Variants in GMDS observed in about 807,000 individuals in gnomAD.
GMDS encodes GDP-mannose 4,6-dehydratase.
Under a neutral mutation model 49.9 loss-of-function variants are expected in GMDS, and 20 were observed. The observed-to-expected ratio is 0.40, with a 90% CI of 0.28 to 0.58. The LOEUF is 0.58. Ranked by LOEUF, GMDS falls within the 20% of genes least tolerant of loss-of-function variation. The pLI is 0.42. For synonymous variants in GMDS, 177 were observed against 178.6 expected (o/e 0.99, Z 0.07); for missense variants, 362 against 481.4 (o/e 0.75, Z 2.32).
intron 8 of GMDS, among the ~76,000 whole-genome samples, chr6:1,728,972 C>T (rs1165512700): frequency 6.6e-6 from 1 of 151,490 alleles, no homozygotes; most frequent in African/African-American, 2.4e-5. Flanking sequence ...AAACAAAAAA[C>T]CAAAAACAAA....
intron 2 of GMDS, among the ~76,000 whole-genome samples, chr6:2,124,377 C>T (rs1453117477): frequency 6.6e-6 from 1 of 152,174 alleles, no homozygotes. Flanking sequence ...AAACACATTA[C>T]ATCATAAATT....
At chr6:2,119,838 C>T (rs1775045893) in intron 2 of GMDS, among the ~76,000 whole-genome samples, 1 of 152,146 alleles carries the variant, frequency 6.6e-6, no homozygotes, top group East Asian at 1.9e-4. Context: ...AGTTTTTTGA[C>T]AAATTTCATG....
intron 1 of GMDS, among the ~76,000 whole-genome samples, chr6:2,217,712 T>A (rs1045313230): frequency 6.6e-6 from 1 of 152,180 alleles, no homozygotes; most frequent in Non-Finnish European, 1.5e-5. Context: ...CTGCTATTAG[T>A]GGCTTTGCAT....
chr6:1,742,159 A>T (rs1767299148), intron 8 of GMDS, among the ~76,000 whole-genome samples: 2 of 151,992 alleles, frequency 1.3e-5, no homozygotes, highest in Admixed American at 1.3e-4. Flanking sequence ...TGACCTCATG[A>T]TCCTCCTGTC....
intron 4 of GMDS, among the ~76,000 whole-genome samples, chr6:2,084,544 T>C (rs1353663011): frequency 6.6e-6 from 1 of 152,138 alleles, no homozygotes; most frequent in Non-Finnish European, 1.5e-5. Flanking sequence ...TCTTGCTCTG[T>C]CACCCAGGCT....
At chr6:2,227,675 A>G (rs1191299021) in intron 1 of GMDS, among the ~76,000 whole-genome samples, 1 of 152,168 alleles carries the variant, frequency 6.6e-6, no homozygotes, top group Non-Finnish European at 1.5e-5. Context: ...TATAGGAAGG[A>G]GCGGGCAGGC....
chr6:2,092,754 T>C (rs1004289498), intron 4 of GMDS, among the ~76,000 whole-genome samples: 7 of 152,096 alleles, frequency 4.6e-5, no homozygotes, highest in Non-Finnish European at 1.5e-5. Flanking sequence ...TAAACAGAAC[T>C]AGAAAGACTC....
chr6:2,173,643 GA>G (rs1205290893), intron 1 of GMDS, among the ~76,000 whole-genome samples: 16 of 152,272 alleles, frequency 1.1e-4, no homozygotes, highest in African/African-American at 3.9e-4. Flanking sequence ...AATGATACAG[GA>G]AAAAATAATT....
rs35230658 is a variant in GMDS, at chr6:2,059,707, C to CAAAAAAAAAAA, written c.345+56053_345+56063dup. ...TGGGCGACAGAGCGAGACTCCGTCTCAAAAAAAAAAAAAAAAAAAATGCAC... is the reference window on the plus strand; with the variant it reads ...TGGGCGACAGAGCGAGACTCCGTCTCAAAAAAAAAAAAAAAAAAAAAAAAAAAAAAATGCAC... On this transcript the variant is annotated intron_variant, in intron 4 of 10. Transcript: ENST00000380815. Among the ~76,000 whole-genome samples, 45 of 17,766 alleles carry CAAAAAAAAAAA rather than the reference C, an allele frequency of 2.5e-3. 9 individuals carry two copies. The highest frequency in any genetic ancestry group is 0.023 in the East Asian group (6 of 258). 11.7% of individuals were successfully genotyped at this position (17,766 alleles called of 152,430 possible).
At chr6:1,629,883 A>G (rs1465690422) in intron 9 of GMDS, among the ~76,000 whole-genome samples, 1 of 152,210 alleles carries the variant, frequency 6.6e-6, no homozygotes, top group Non-Finnish European at 1.5e-5. Flanking sequence ...TGCATGCCCC[A>G]GAAACCAGCG....
chr6:2,146,302 A>C (rs532839331), intron 1 of GMDS, among the ~76,000 whole-genome samples: 3 of 152,294 alleles, frequency 2.0e-5, no homozygotes, highest in South Asian at 4.2e-4. Context: ...TATACCTTGA[A>C]GACATATGAA....
chr6:2,062,022 G>C (rs185979405), intron 4 of GMDS, among the ~76,000 whole-genome samples: 3 of 152,096 alleles, frequency 2.0e-5, no homozygotes, highest in African/African-American at 7.2e-5. Context: ...CTACAAGTTC[G>C]GCAGCTGAAT....
At chr6:1,691,841 C>A (rs756863986) in intron 9 of GMDS, among the ~76,000 whole-genome samples, 26 of 152,156 alleles carry the variant, frequency 1.7e-4, no homozygotes, top group Non-Finnish European at 3.7e-4. Flanking sequence ...TGAAGGACCT[C>A]AGTGCAGTTT....
intron 6 of GMDS, among the ~76,000 whole-genome samples, chr6:1,937,464 G>A (rs1379099271): frequency 6.6e-6 from 1 of 152,164 alleles, no homozygotes. Flanking sequence ...CACACTGGGT[G>A]GCTTCGAACA....
In GMDS at chr6:1,624,212, A is replaced by T. The variant is rs1271805922; in HGVS notation, c.1076T>A (p.Val359Glu). The T allele has an allele frequency of 6.2e-7, 1 of 1,611,182 alleles. No homozygotes were observed. The highest frequency in any genetic ancestry group is 1.1e-5 in the South Asian group (1 of 91,082). The change falls in exon 11 of 11, where the codon GTG (valine) becomes GAG (glutamate). Residue 359 changes from valine (V) to glutamate (E), a missense_variant. Physicochemically the swap from Val to Glu is moderately radical, Grantham distance 121. Coordinates refer to ENST00000380815, the MANE Select transcript of GMDS (RefSeq NM_001500.4). ...CCTCATGAGCTCCACGTCGGCGTGC[A>T]CCATCTCCCTCACCAGCTCCTGCAA... The part of the protein sequence containing the change: ...VAFDELVREM[V>E]HADVELMRTN...
chr6:1,851,731 A>C (rs991633936), intron 7 of GMDS, among the ~76,000 whole-genome samples: 1 of 152,222 alleles, frequency 6.6e-6, no homozygotes, highest in African/African-American at 2.4e-5. Flanking sequence ...AATAATTTTA[A>C]AAGAAAAAAA....
chr6:2,236,377 A>G (rs1345893210), intron 1 of GMDS, among the ~76,000 whole-genome samples: 1 of 152,224 alleles, frequency 6.6e-6, no homozygotes, highest in Non-Finnish European at 1.5e-5. Context: ...TTAGCCTGCA[A>G]GTAAGGTAAA....
At position 2,225,651 on chromosome 6, in the gene GMDS, C is replaced by T. The variant is rs552755070; in HGVS notation, c.102+19670G>A. ...CAACCAACACAGATGATCAATATTA[C>T]AGCACAAAGGAAGTAAAAAGCCTTT... is the stretch of plus-strand genomic sequence containing the variant. On this transcript the variant is annotated intron_variant, in intron 1 of 10. Coordinates refer to ENST00000380815, the MANE Select transcript of GMDS (RefSeq NM_001500.4). Among the ~76,000 whole-genome samples the T allele has an allele frequency of 2.0e-5, 3 of 152,238 alleles. No homozygotes were observed. In the East Asian group the frequency reaches 5.8e-4, roughly 29 times the overall value.
rs1007364561 is a variant in GMDS, at chr6:1,666,525, T to C, written c.988-41985A>G. 2.6e-5 allele frequency among the ~76,000 whole-genome samples: 4 copies of C among 152,230 alleles called. No homozygotes were observed. The East Asian group carries it at 7.7e-4, about 29-fold the overall frequency. Reference sequence around the variant, plus strand: ...AAGTTCTTGCAAATTTAAAAGGTTATACACTCAATGATCCAAAGGTGAAGT... The same window carrying C: ...AAGTTCTTGCAAATTTAAAAGGTTACACACTCAATGATCCAAAGGTGAAGT... On this transcript the variant is annotated intron_variant, in intron 9 of 10. Transcript: ENST00000380815.
Sources: allele counts gnomAD v4.1 joint callset (sites outside exome capture counted in the v4.1 genomes callset), GRCh38; gene constraint gnomAD v4.1.1; transcripts MANE v1.5; gene names NCBI Gene and HGNC (gene_info 2026-07-23, HGNC 2026-07-21).